Variants in PTCHD1 observed in about 807,000 individuals in gnomAD.
The protein encoded by PTCHD1 is patched domain containing 1, also known as patched domain-containing protein 1.
In PTCHD1, 3 loss-of-function variants were observed where a neutral mutation model predicts 34.6. The observed-to-expected ratio is 0.09, with a 90% confidence interval of 0.04 to 0.22. The LOEUF (loss-of-function observed/expected upper bound fraction) is 0.22. Among genes scored for constraint, PTCHD1 ranks in the 10% least tolerant of loss-of-function variants. The pLI, the probability that PTCHD1 is intolerant of heterozygous loss-of-function variation, is 1.00. For synonymous variants in PTCHD1, 305 were observed against 283.1 expected (o/e 1.08, Z -0.77); for missense variants, 504 against 685.5 (o/e 0.74, Z 2.96).
At chrX:23,353,229 A>G (rs1205529297) in intron 1 of PTCHD1, among the ~76,000 whole-genome samples, 2 of 112,682 alleles carry the variant, frequency 1.8e-5, no homozygotes, top group African/African-American at 6.4e-5. Context: ...AAGCTGAGTA[A>G]GGGATACATG....
chrX:23,373,763 T>C (rs772817335), intron 1 of PTCHD1, among the ~76,000 whole-genome samples: 4 of 112,050 alleles, frequency 3.6e-5, no homozygotes, highest in Admixed American at 9.4e-5. Flanking sequence ...TGAGTGAGGA[T>C]ACCTTGCCAG....
At chrX:23,342,310 ATTTTTTTTTTT>A (rs1174366015) in intron 1 of PTCHD1, among the ~76,000 whole-genome samples, 1 of 12,947 alleles carries the variant, frequency 7.7e-5, no homozygotes, top group Non-Finnish European at 1.1e-4. Flanking sequence ...ATATATATAT[ATTTTTTTTTTT>A]TTTTTTTTTT....
intron 1 of PTCHD1, among the ~76,000 whole-genome samples, chrX:23,344,360 C>T (rs760224336): frequency 8.9e-6 from 1 of 112,217 alleles, no homozygotes; most frequent in Admixed American, 9.4e-5. Context: ...CACTGTGTAA[C>T]CATAGCCTTC....
At chrX:23,345,280 G>T (rs927630281) in intron 1 of PTCHD1, among the ~76,000 whole-genome samples, 1 of 112,047 alleles carries the variant, frequency 8.9e-6, no homozygotes, top group Non-Finnish European at 1.9e-5. Context: ...GTGAGGGTTA[G>T]CAGTACTTCT....
rs1470367543 is a variant in PTCHD1 at position 23,398,238 on chromosome X, A to G, written c.*4053A>G. 8.9e-6 allele frequency: 1 copy of G among 111,916 alleles called. No homozygotes were observed. Among genetic ancestry groups the G allele is most frequent in the Non-Finnish European group, 1.9e-5 (1 of 53,220 alleles). 9.2% of individuals were successfully genotyped at this position (111,916 alleles called of 1,213,427 possible). A position where few individuals can be genotyped will look rare whatever the true frequency, so the allele number is the denominator to read the frequency against. On this transcript the variant is annotated 3_prime_UTR_variant, in exon 3 of 3. Coordinates refer to ENST00000379361, the MANE Select transcript of PTCHD1 (RefSeq NM_173495.3). ...TATTTGTAATTCAGCAATCTCGCAC[A>G]GTAGCATTAGGGCTCGGGATGTAAA...
chrX:23,391,346 T>C (rs1447858154), intron 2 of PTCHD1, among the ~76,000 whole-genome samples: 1 of 110,177 alleles, frequency 9.1e-6, no homozygotes, highest in Non-Finnish European at 1.9e-5. Flanking sequence ...TGATAAGTCA[T>C]GTATGAATAA....
chrX:23,385,730 G>T (rs902876059), intron 2 of PTCHD1, among the ~76,000 whole-genome samples: 4 of 111,099 alleles, frequency 3.6e-5, no homozygotes, highest in African/African-American at 1.3e-4. Flanking sequence ...GAGCCCAACA[G>T]AGGGATTCTA....
intron 1 of PTCHD1, among the ~76,000 whole-genome samples, chrX:23,348,108 TAGGATGAATCAAA>T (rs371753960): frequency 0.094 from 10,397 of 110,848 alleles, 403 homozygotes; most frequent in Middle Eastern, 0.12. Context: ...AGTGGAAACT[TAGGATGAATCAAA>T]AGGAAATGCT....
At chrX:23,348,124 G>C (rs984961017) in intron 1 of PTCHD1, among the ~76,000 whole-genome samples, 3 of 110,765 alleles carry the variant, frequency 2.7e-5, no homozygotes, top group African/African-American at 9.9e-5. Flanking sequence ...GAATCAAAAG[G>C]AAATGCTAGA....
At chrX:23,381,105 G>A (rs1922553029) in intron 2 of PTCHD1, among the ~76,000 whole-genome samples, 1 of 101,350 alleles carries the variant, frequency 9.9e-6, no homozygotes, top group Non-Finnish European at 2.1e-5. Context: ...AAAGTGACAT[G>A]TGAGATACCA....
chrX:23,388,510 G>A (rs1428746382), intron 2 of PTCHD1, among the ~76,000 whole-genome samples: 4 of 112,158 alleles, frequency 3.6e-5, no homozygotes, highest in Non-Finnish European at 5.6e-5. Flanking sequence ...TCAGAGTTCC[G>A]CTTGCTGAAC....
intron 2 of PTCHD1, among the ~76,000 whole-genome samples, chrX:23,381,844 G>A (rs937269073): frequency 1.8e-5 from 2 of 111,960 alleles, no homozygotes; most frequent in Non-Finnish European, 3.8e-5. Context: ...CCCCAAGACC[G>A]TGTGGGTTGA....
intron 1 of PTCHD1, among the ~76,000 whole-genome samples, chrX:23,353,164 C>A (rs1025363197): frequency 4.4e-5 from 5 of 112,554 alleles, no homozygotes; most frequent in Non-Finnish European, 9.4e-5. Flanking sequence ...TCACACTGAC[C>A]AAAGTCAGTT....
In PTCHD1 at chrX:23,399,341, T is replaced by C. The variant is rs1424578827; in HGVS notation, c.*5156T>C. On this transcript the variant is annotated 3_prime_UTR_variant, in exon 3 of 3. Coordinates refer to ENST00000379361, the MANE Select transcript of PTCHD1 (RefSeq NM_173495.3). Reference sequence around the variant, plus strand: ...CATCTAAATTATTGGGGTCTTAACCTGGGGGCCAAATGAGTTCATGGGAGG... The same window carrying C: ...CATCTAAATTATTGGGGTCTTAACCCGGGGGCCAAATGAGTTCATGGGAGG... 8.9e-6 allele frequency: 1 copy of C among 111,840 alleles called. No individual in the cohort carries two copies. The highest frequency in any genetic ancestry group is 2.8e-4 in the East Asian group (1 of 3,576). 9.2% of individuals were successfully genotyped at this position (111,840 alleles called of 1,213,427 possible). A position where few individuals can be genotyped will look rare whatever the true frequency, so the allele number is the denominator to read the frequency against.
chrX:23,334,474 A>C (rs1921089331), upstream of PTCHD1: 1 of 108,991 alleles, frequency 9.2e-6, no homozygotes, highest in Non-Finnish European at 1.9e-5. Flanking sequence ...GAGTGGGGTC[A>C]TGACGAGCCG....
Position 23,393,686 on chromosome X carries a change from T to C in PTCHD1, c.2168T>C (p.Ile723Thr). Residue 723 changes from isoleucine to threonine, a missense_variant, in exon 3 of 3, where the codon ATT becomes ACT. Physicochemically the swap from Ile to Thr is moderately conservative, Grantham distance 89. Coordinates refer to ENST00000379361, the MANE Select transcript of PTCHD1 (RefSeq NM_173495.3). ...FSAFLVADSL[I>T]NVWITLTVVS... ...GCATTCCTGGTGGCAGATTCACTGA[T>C]TAACGTCTGGATCACTCTCACAGTT... 8.3e-7 allele frequency: 1 copy of C among 1,212,066 alleles called. No homozygotes were observed. The highest frequency in any genetic ancestry group is 1.1e-6 in the Non-Finnish European group (1 of 895,480).
In PTCHD1 at chrX:23,393,961, G is replaced by C. The variant is rs773765461; in HGVS notation, c.2443G>C (p.Val815Leu). The C allele has an allele frequency of 2.5e-6, 3 of 1,210,018 alleles. No homozygotes were observed. Reference sequence around the variant, plus strand: ...TGTTGGTCTGATTCCTCTTGCAGCTGTGCCTTCAAATCTGACCTGTACACT... The same window carrying C: ...TGTTGGTCTGATTCCTCTTGCAGCTCTGCCTTCAAATCTGACCTGTACACT... ...YIVGLIPLAA[V>L]PSNLTCTLFR... is the part of the protein sequence containing the mutation. Residue 815 changes from valine (V) to leucine (L), a missense_variant, in exon 3 of 3, where the codon GTG (valine) becomes CTG (leucine). Val to Leu is a conservative substitution (Grantham distance 32). Transcript: ENST00000379361.
intron 1 of PTCHD1, among the ~76,000 whole-genome samples, chrX:23,342,288 ATATATATATATATATATATATATTTTT>A (rs1921341593): frequency 1.3e-4 from 1 of 7,493 alleles, no homozygotes; most frequent in Non-Finnish European, 1.7e-4. Context: ...ATATATATAT[ATATATATATATATATATATATATTTTT>A]TTTTTTTTTT....
In PTCHD1 at chrX:23,379,912, G is replaced by C. The variant is rs1270095381; in HGVS notation, c.673G>C (p.Val225Leu). 3 of 1,211,949 alleles carry C rather than the reference G, an allele frequency of 2.5e-6. No individual in the cohort carries two copies. The highest frequency in any genetic ancestry group is 3.4e-6 in the Non-Finnish European group (3 of 895,500). Residue 225 changes from valine to leucine, a missense_variant, in exon 2 of 3, where the codon GTG (valine) becomes CTG (leucine). Coordinates refer to ENST00000379361, the MANE Select transcript of PTCHD1 (RefSeq NM_173495.3). ...LQSINSLNDMVAERWESSFCD... is the reference protein window; with the variant it reads ...LQSINSLNDMLAERWESSFCD... ...GTCAATCAACAGTCTCAATGACATG[G>C]TGGCTGAGAGGTGGGAGTCCAGCTT...
Sources: allele counts gnomAD v4.1 joint callset (sites outside exome capture counted in the v4.1 genomes callset), GRCh38; gene constraint gnomAD v4.1.1; transcripts MANE v1.5; gene names NCBI Gene and HGNC (gene_info 2026-07-23, HGNC 2026-07-21).